The following STRA8 variants were observed in gnomAD, a reference collection of about 807,000 sequenced individuals.
STRA8 encodes the protein stimulated by retinoic acid 8, also known as stimulated by retinoic acid gene 8 protein homolog.
Under a neutral mutation model 37.1 loss-of-function variants are expected in STRA8, and 18 were observed. The observed-to-expected ratio is 0.48, with a 90% confidence interval of 0.34 to 0.72. The LOEUF is 0.72. Ranked by LOEUF, STRA8 falls within the 30% of genes least tolerant of loss-of-function variation. STRA8 has a pLI of 0.01. For synonymous variants in STRA8, 168 were observed against 162.9 expected, an observed-to-expected ratio of 1.03 and a Z score of -0.24; for missense variants, 357 against 410.4, an observed-to-expected ratio of 0.87 and a Z score of 1.13.
chr7:135,257,848 C>T (rs2129480128), intron 8 of STRA8, among the ~76,000 whole-genome samples: 1 of 152,314 alleles, frequency 6.6e-6, no homozygotes, highest in Admixed American at 6.5e-5. Context: ...TCCTTGCTTC[C>T]TACCCCATAC....
At chr7:135,236,288 G>GTC (rs2117784045) in intron 1 of STRA8, among the ~76,000 whole-genome samples, 2 of 151,842 alleles carry the variant, frequency 1.3e-5, no homozygotes, top group South Asian at 4.2e-4. Flanking sequence ...ATGTGTGTGT[G>GTC]TGTGTGTGTG....
rs376187619 is a variant in STRA8 at position 135,251,852 on chromosome 7, G to A, written c.936G>A (p.Pro312=). The A allele has an allele frequency of 1.9e-5, 30 of 1,614,138 alleles. No individual in the cohort carries two copies. The highest frequency in any genetic ancestry group is 3.3e-4 in the Middle Eastern group (2 of 6,060). The change falls in exon 7 of 9, where the codon CCG becomes CCA. Residue 312 remains proline, a synonymous_variant. Transcript: ENST00000662584. ...GCTTCCTGGACAAAAGTGAGGTTCC[G>A]AGTACATCTAGCTCCAGGTGAGGAA... ...VASFLDKSEV[P]STSSSSSVLA... is the part of the protein sequence containing the mutation.
intron 1 of STRA8, among the ~76,000 whole-genome samples, chr7:135,235,765 A>C (rs1832366847): frequency 6.6e-6 from 1 of 152,198 alleles, no homozygotes; most frequent in East Asian, 1.9e-4. Flanking sequence ...TAAAAATAAA[A>C]ACGTTCAGAC....
chr7:135,246,353 C>A lies in STRA8; in HGVS notation c.594-64C>A. The A allele has an allele frequency of 6.4e-7, 1 of 1,554,606 alleles. No homozygotes were observed. Among genetic ancestry groups the A allele is most frequent in the South Asian group, 1.2e-5 (1 of 83,944 alleles). ...TGCGTGCTGGGGTCCACACCATGAA[C>A]CGAATCCCGAATCGCTTCGAGAGGG... On this transcript the variant is annotated intron_variant, in intron 5 of 8. Transcript: ENST00000662584. The surrounding 1 kb of genome is among the most constrained non-coding windows in gnomAD (Gnocchi z 5.4).
chr7:135,238,374 A>G (rs1275134751), intron 1 of STRA8, among the ~76,000 whole-genome samples: 7 of 152,144 alleles, frequency 4.6e-5, no homozygotes, highest in African/African-American at 1.4e-4. Flanking sequence ...TCTGCCCCCT[A>G]TGGGGGAGGC....
chr7:135,254,382 C>T (rs1250221720), intron 7 of STRA8, among the ~76,000 whole-genome samples: 1 of 152,188 alleles, frequency 6.6e-6, no homozygotes, highest in East Asian at 1.9e-4. Flanking sequence ...TGAGTGAGTG[C>T]CAGCTGTCCT....
intron 4 of STRA8, among the ~76,000 whole-genome samples, chr7:135,244,568 C>A (rs567596820): frequency 7.7e-4 from 117 of 152,148 alleles, no homozygotes; most frequent in Non-Finnish European, 1.3e-3. Context: ...CTAAGTATGT[C>A]ATTTTTTCAT....
intron 6 of STRA8, among the ~76,000 whole-genome samples, chr7:135,251,175 G>A (rs1278280930): frequency 6.6e-6 from 1 of 152,196 alleles, no homozygotes; most frequent in Admixed American, 6.5e-5. Context: ...AGTGGATAAT[G>A]TTCAAATGTA....
rs768929461 is a variant in STRA8 at position 135,243,309 on chromosome 7, C to G, written c.269-17C>G. On this transcript the variant is annotated splice_polypyrimidine_tract_variant and intron_variant, in intron 3 of 8. Coordinates refer to ENST00000662584, the MANE Select transcript of STRA8 (RefSeq NM_001394401.1). ...TGACTTTTCTCTTTGTGTTCCTGGT[C>G]TTCAACTCCCCAATAGCATCCTTCA... 9 of 1,613,736 alleles carry G rather than the reference C, an allele frequency of 5.6e-6. No homozygotes were observed. The highest frequency in any genetic ancestry group is 7.6e-6 in the Non-Finnish European group (9 of 1,179,714).
chr7:135,244,533 A>C (rs966633338), intron 4 of STRA8, among the ~76,000 whole-genome samples: 13 of 152,174 alleles, frequency 8.5e-5, no homozygotes, highest in African/African-American at 2.7e-4. Context: ...TCCTGTTTTT[A>C]ATAGATTGAG....
At chr7:135,242,717 G>A (rs1585471526) in intron 2 of STRA8, 64 bp from the exon 3 acceptor site, 1 of 1,532,660 alleles carries the variant, frequency 6.5e-7, no homozygotes, top group South Asian at 1.1e-5. Context: ...GGGATTCCTG[G>A]GTCCACAAAA....
chr7:135,242,962 T>C, intron 3 of STRA8, 106 bp downstream of exon 3: 2 of 1,219,402 alleles, frequency 1.6e-6, no homozygotes, highest in Non-Finnish European at 1.2e-6. Flanking sequence ...CAAATATTTA[T>C]TGAGGGCCTA....
Position 135,251,863 on chromosome 7 carries a change from G to C in STRA8, c.947G>C (p.Ser316Thr). The change falls in exon 7 of 9, where the codon AGC (serine) becomes ACC (threonine). Residue 316 changes from serine (S) to threonine (T), a missense_variant. Transcript: ENST00000662584. The part of the protein sequence containing the change: ...LDKSEVPSTS[S>T]SSSVLASCNP... ...AAAAGTGAGGTTCCGAGTACATCTAGCTCCAGGTGAGGAAGAGGGTGTGAG... is the reference window on the plus strand; with the variant it reads ...AAAAGTGAGGTTCCGAGTACATCTACCTCCAGGTGAGGAAGAGGGTGTGAG... 1 of 1,614,148 alleles carries C rather than the reference G, an allele frequency of 6.2e-7. No homozygotes were observed.
chr7:135,246,413 C>T lies in STRA8; in HGVS notation c.594-4C>T. Reference sequence around the variant, plus strand: ...GGTGCGAGACGGCGCCGCTTCTGTTCCAGGTATCTCAACTTTTACAAACAG... The same window carrying T: ...GGTGCGAGACGGCGCCGCTTCTGTTTCAGGTATCTCAACTTTTACAAACAG... On this transcript the variant is annotated splice_polypyrimidine_tract_variant and splice_region_variant and intron_variant, in intron 5 of 8. Transcript: ENST00000662584. The surrounding 1 kb of genome is among the most constrained non-coding windows in gnomAD (Gnocchi z 5.4). 1 of 1,599,232 alleles carries T rather than the reference C, an allele frequency of 6.3e-7. No individual in the cohort carries two copies. The highest frequency in any genetic ancestry group is 8.5e-7 in the Non-Finnish European group (1 of 1,172,076).
chr7:135,243,231 T>C, intron 3 of STRA8, 95 bp from the exon 4 acceptor site: 1 of 1,316,218 alleles, frequency 7.6e-7, no homozygotes, highest in Middle Eastern at 1.9e-4. Context: ...GGGTTCAGGG[T>C]CCCACCCACA....
intron 4 of STRA8, among the ~76,000 whole-genome samples, chr7:135,244,794 A>G (rs1229620125): frequency 6.6e-6 from 1 of 152,140 alleles, no homozygotes; most frequent in Non-Finnish European, 1.5e-5. Flanking sequence ...TTCTGCTCCA[A>G]TGTATATTCC....
chr7:135,237,277 A>G (rs1216053155), intron 1 of STRA8, among the ~76,000 whole-genome samples: 1 of 152,186 alleles, frequency 6.6e-6, no homozygotes, highest in East Asian at 1.9e-4. Flanking sequence ...TGTTTTCTCT[A>G]CACTGCTATA....
Position 135,246,849 on chromosome 7 carries a change from T to A in STRA8, c.879+147T>A. ...TCGGTTTCTGATTTTCTTTTTTCTC[T>A]TTTTTTTTTTTTTGAGACGGAGTCT... is the stretch of plus-strand genomic sequence containing the variant. On this transcript the variant is annotated intron_variant, in intron 6 of 8. Coordinates refer to ENST00000662584, the MANE Select transcript of STRA8 (RefSeq NM_001394401.1). This position sits in a 1 kb window ranked among gnomAD's most constrained non-coding sequence, Gnocchi z 5.4. 5 of 81,008 alleles carry A rather than the reference T, an allele frequency of 6.2e-5. No individual in the cohort carries two copies. The highest frequency in any genetic ancestry group is 1.7e-4 in the East Asian group (1 of 5,956). 5.0% of individuals were successfully genotyped at this position (81,008 alleles called of 1,614,324 possible). A position where few individuals can be genotyped will look rare whatever the true frequency, so the allele number is the denominator to read the frequency against.
At chr7:135,244,721 G>A (rs576706120) in intron 4 of STRA8, among the ~76,000 whole-genome samples, 20 of 152,270 alleles carry the variant, frequency 1.3e-4, no homozygotes, top group African/African-American at 4.8e-4. Context: ...CATGTGTGTA[G>A]ATTATTTGAG....
Sources: gnomAD v4.1 joint callset for allele counts (sites outside exome capture counted in the v4.1 genomes callset) on GRCh38, gnomAD v4.1.1 for gene constraint, Gnocchi (gnomAD v3.1) non-coding constraint, MANE v1.5 for transcripts, NCBI Gene and HGNC (gene_info 2026-07-23, HGNC 2026-07-21) for gene names.